ANKRD12: variants seen among roughly 807,000 people sequenced by gnomAD.
ANKRD12 encodes the protein ankyrin repeat domain 12, also known as ankyrin repeat domain-containing protein 12.
In ANKRD12, 85 loss-of-function variants were observed where a neutral mutation model predicts 183.4. That is an observed-to-expected ratio of 0.46 (90% CI 0.39 to 0.56). The LOEUF (loss-of-function observed/expected upper bound fraction) is 0.56. Ranked by LOEUF, ANKRD12 falls within the 20% of genes least tolerant of loss-of-function variation. The pLI, the probability that ANKRD12 is intolerant of heterozygous loss-of-function variation, is 0.00. For missense variants in ANKRD12, 2,405 were observed against 2,357.1 expected (o/e 1.02, Z -0.42); for synonymous variants, 914 against 800.2 (o/e 1.14, Z -2.40).
chr18:9,213,708 G>T (rs767687007), intron 6 of ANKRD12, among the ~76,000 whole-genome samples: 1 of 151,620 alleles, frequency 6.6e-6, no homozygotes, highest in African/African-American at 2.4e-5. Context: ...ATTATGGACA[G>T]TGTTTATTTT....
intron 7 of ANKRD12, among the ~76,000 whole-genome samples, chr18:9,221,633 T>C (rs2036425497): frequency 6.6e-6 from 1 of 152,272 alleles, no homozygotes; most frequent in Non-Finnish European, 1.5e-5. Flanking sequence ...GTTTAAATTT[T>C]AAGGAGGAAA....
At chr18:9,225,518 A>G (rs747844495) in intron 8 of ANKRD12, among the ~76,000 whole-genome samples, 11 of 152,076 alleles carry the variant, frequency 7.2e-5, no homozygotes, top group Non-Finnish European at 1.3e-4. Flanking sequence ...TTGAGATAAC[A>G]TACGTATTAA....
intron 1 of ANKRD12, among the ~76,000 whole-genome samples, chr18:9,154,147 C>T (rs1216688550): frequency 6.6e-6 from 1 of 152,062 alleles, no homozygotes; most frequent in African/African-American, 2.4e-5. Context: ...CGGCTGGGCA[C>T]AGTGATTCAA....
At chr18:9,278,849 G>A (rs1255668965) in intron 11 of ANKRD12, among the ~76,000 whole-genome samples, 1 of 152,048 alleles carries the variant, frequency 6.6e-6, no homozygotes, top group Non-Finnish European at 1.5e-5. Flanking sequence ...TGACAGCACT[G>A]GTAGTGGTAG....
intron 9 of ANKRD12, chr18:9,260,470 CAAGG>C (rs2038900249): frequency 6.6e-6 from 1 of 152,116 alleles, no homozygotes; most frequent in Non-Finnish European, 1.5e-5. Context: ...CAGAGGAAAT[CAAGG>C]GGAGTAAAAC....
intron 8 of ANKRD12, among the ~76,000 whole-genome samples, chr18:9,235,091 G>A (rs551784167): frequency 6.6e-6 from 1 of 151,476 alleles, no homozygotes; most frequent in East Asian, 1.9e-4. Context: ...GCTCACTCTG[G>A]AGAGGGTGGG....
At chr18:9,149,087 G>A (rs2078592297) in intron 1 of ANKRD12, among the ~76,000 whole-genome samples, 1 of 152,080 alleles carries the variant, frequency 6.6e-6, no homozygotes, top group Non-Finnish European at 1.5e-5. Context: ...CCCTCTTCTT[G>A]AAATTCCCTA....
rs1598799191 is a variant in ANKRD12, at chr18:9,280,863, A to G, written c.6004-78A>G. The G allele has an allele frequency of 7.1e-6, 10 of 1,407,238 alleles. No individual in the cohort carries two copies. The East Asian group carries it at 2.3e-4, about 32-fold the overall frequency. The allele number at this position is 1,407,238 out of a possible 1,614,324, so 87.2% of individuals were successfully genotyped here. A position where few individuals can be genotyped will look rare whatever the true frequency, so the allele number is the denominator to read the frequency against. On this transcript the variant is annotated intron_variant, in intron 12 of 12. Transcript: ENST00000262126. ...CTGATGTGTCCATTTTAGTTCCTAA[A>G]GAAACTGGATGAGATTAATTTTTAA...
rs769219551 is a variant in ANKRD12 at position 9,195,527 on chromosome 18, TTACTC to T, written c.88-21_88-17del. 6.4e-6 allele frequency: 10 copies of T among 1,552,836 alleles called. No individual in the cohort carries two copies. The highest frequency in any genetic ancestry group is 8.7e-6 in the Non-Finnish European group (10 of 1,146,824). On this transcript the variant is annotated intron_variant, in intron 2 of 12. Transcript: ENST00000262126. ...TTGCTTAGCTAATATTGATATAACTTTACTCTATTTGACTTTTTAATAGAGTAAAG... is the reference window on the plus strand; with the variant it reads ...TTGCTTAGCTAATATTGATATAACTTTATTTGACTTTTTAATAGAGTAAAG...
In ANKRD12 at chr18:9,275,175, TGAG is replaced by T. The variant is rs1206614511; in HGVS notation, c.5764-348_5764-346del. On this transcript the variant is annotated intron_variant, in intron 10 of 12. Coordinates refer to ENST00000262126, the MANE Select transcript of ANKRD12 (RefSeq NM_015208.5). ...CTACACACCAGCCTGGGTGACAGAG[TGAG>T]AAGAGGCTAGGCACAGTGGCTCAGG... Among the ~76,000 whole-genome samples, 4 of 151,492 alleles carry T rather than the reference TGAG, an allele frequency of 2.6e-5. No individual in the cohort carries two copies. In the East Asian group the frequency reaches 7.8e-4, roughly 30 times the overall value.
At chr18:9,161,639 G>A (rs1474167203) in intron 1 of ANKRD12, among the ~76,000 whole-genome samples, 1 of 151,936 alleles carries the variant, frequency 6.6e-6, no homozygotes, top group African/African-American at 2.4e-5. Flanking sequence ...GCCTTCCAAA[G>A]TGCTGGGATT....
At chr18:9,277,813 T>C (rs1447689733) in intron 11 of ANKRD12, among the ~76,000 whole-genome samples, 1 of 132,286 alleles carries the variant, frequency 7.6e-6, no homozygotes, top group African/African-American at 2.8e-5. Flanking sequence ...ATGCCCAGTA[T>C]CATACAGGTT....
At chr18:9,160,968 T>G (rs974123377) in intron 1 of ANKRD12, among the ~76,000 whole-genome samples, 3 of 152,148 alleles carry the variant, frequency 2.0e-5, no homozygotes, top group African/African-American at 4.8e-5. Context: ...ATCACTCAGT[T>G]TTGGTGTATT....
intron 8 of ANKRD12, among the ~76,000 whole-genome samples, chr18:9,249,497 T>G (rs2038158914): frequency 6.6e-6 from 1 of 152,040 alleles, no homozygotes. Context: ...TCCCAAGGAG[T>G]GATTGGGAGG....
chr18:9,178,399 T>A (rs572774776), intron 1 of ANKRD12, among the ~76,000 whole-genome samples: 1 of 152,286 alleles, frequency 6.6e-6, no homozygotes, highest in East Asian at 1.9e-4. Context: ...AAGGAATATA[T>A]CCTTTTCCCA....
intron 4 of ANKRD12, among the ~76,000 whole-genome samples, chr18:9,206,517 T>G (rs1230716928): frequency 5.9e-5 from 9 of 152,086 alleles, no homozygotes; most frequent in Non-Finnish European, 1.3e-4. Context: ...TAACACAGTT[T>G]TAACACACAG....
intron 10 of ANKRD12, among the ~76,000 whole-genome samples, chr18:9,271,436 G>A (rs1421779926): frequency 3.9e-5 from 6 of 152,074 alleles, no homozygotes; most frequent in South Asian, 2.1e-4. Flanking sequence ...GGAGAACGGC[G>A]TGAACCCAGG....
At chr18:9,190,180 A>C (rs1046447198) in intron 2 of ANKRD12, among the ~76,000 whole-genome samples, 1 of 152,194 alleles carries the variant, frequency 6.6e-6, no homozygotes, top group African/African-American at 2.4e-5. Flanking sequence ...TAGTGGAGGA[A>C]CTAACTGTAG....
Position 9,256,625 on chromosome 18 carries a change from A to G in ANKRD12, c.3358A>G (p.Ile1120Val), listed in dbSNP as rs769012083. 1.2e-6 allele frequency: 2 copies of G among 1,605,018 alleles called. No homozygotes were observed. Among genetic ancestry groups the G allele is most frequent in the Non-Finnish European group, 1.7e-6 (2 of 1,177,808 alleles). ...AAACCGAAACTGTTTAGAACTTAAA[A>G]TAAAAGATAAAGAAAAAACAAAGCA... is the stretch of plus-strand genomic sequence containing the variant. ...LRNRNCLELK[I>V]KDKEKTKHTP... Residue 1120 changes from isoleucine (I) to valine (V), a missense_variant, in exon 9 of 13, where the codon ATA becomes GTA. Physicochemically the swap from Ile to Val is conservative, Grantham distance 29 (BLOSUM62 3). Coordinates refer to ENST00000262126, the MANE Select transcript of ANKRD12 (RefSeq NM_015208.5).
Sources: gnomAD v4.1 joint callset for allele counts (sites outside exome capture counted in the v4.1 genomes callset) on GRCh38, gnomAD v4.1.1 for gene constraint, MANE v1.5 for transcripts, NCBI Gene and HGNC (gene_info 2026-07-23, HGNC 2026-07-21) for gene names.